CCDC187: variants seen among roughly 807,000 people sequenced by gnomAD.
CCDC187 encodes coiled-coil domain containing 187.
CCDC187 carries 32 observed loss-of-function variants against 38.0 expected under a neutral mutation model. The ratio of observed to expected loss-of-function variants is 0.84; its 90% CI spans 0.64 to 1.13. The LOEUF is 1.13. Ranked by LOEUF, CCDC187 falls within the 50% of genes most tolerant of loss-of-function variation. The pLI is 0.00. For synonymous variants in CCDC187, 333 were observed against 347.9 expected (o/e 0.96, Z 0.48); for missense variants, 707 against 786.8 (o/e 0.90, Z 1.21).
At chr9:136,261,285 C>T (rs1330316388) in intron 19 of CCDC187, among the ~76,000 whole-genome samples, 2 of 152,182 alleles carry the variant, frequency 1.3e-5, no homozygotes, top group East Asian at 3.9e-4. Context: ...AGCAAAACAC[C>T]GCAGGCGAGC....
At chr9:136,278,351 A>G (rs1404143322) in intron 10 of CCDC187, among the ~76,000 whole-genome samples, 1 of 152,100 alleles carries the variant, frequency 6.6e-6, no homozygotes, top group Non-Finnish European at 1.5e-5. Flanking sequence ...CACCCAACAG[A>G]TCAGAGGACA....
Position 136,253,484 on chromosome 9 carries a change from G to T in CCDC187, c.*110C>A. The T allele has an allele frequency of 1.8e-6, 1 of 546,334 alleles. No individual in the cohort carries two copies. The highest frequency in any genetic ancestry group is 2.3e-6 in the Non-Finnish European group (1 of 428,424). 33.8% of individuals were successfully genotyped at this position (546,334 alleles called of 1,614,324 possible). A position where few individuals can be genotyped will look rare whatever the true frequency, so the allele number is the denominator to read the frequency against. ...CGACGAGTGCCCTGGCCAGCTGACA[G>T]GTTCAGGCCACTGGCTGCCTCCGGC... On this transcript the variant is annotated 3_prime_UTR_variant, in exon 26 of 26. Transcript: ENST00000638797.
Position 136,253,512 on chromosome 9 carries a change from C to T in CCDC187, c.*82G>A. 1 of 809,352 alleles carries T rather than the reference C, an allele frequency of 1.2e-6. No individual in the cohort carries two copies. The highest frequency in any genetic ancestry group is 5.7e-5 in the South Asian group (1 of 17,682). 50.1% of individuals were successfully genotyped at this position (809,352 alleles called of 1,614,324 possible). The stretch of plus-strand genomic sequence containing the variant: ...TCAGGCCACTGGCTGCCTCCGGCCT[C>T]ATCCCCTGCTGCAGAACTGCATCTA... On this transcript the variant is annotated 3_prime_UTR_variant, in exon 26 of 26. Coordinates refer to ENST00000638797, the MANE Select transcript of CCDC187 (RefSeq NM_001378188.1).
intron 2 of CCDC187, 76 bp downstream of exon 2, chr9:136,302,736 C>T: frequency 7.5e-6 from 3 of 398,888 alleles, no homozygotes; most frequent in Non-Finnish European, 1.3e-5. Flanking sequence ...TCCAGCACAG[C>T]CCGATCCTGC....
At chr9:136,280,273 G>A (rs1377092843) in intron 10 of CCDC187, among the ~76,000 whole-genome samples, 4 of 152,252 alleles carry the variant, frequency 2.6e-5, no homozygotes, top group Non-Finnish European at 5.9e-5. Context: ...CACAGGCACT[G>A]TAAGGGCCGG....
In CCDC187 at chr9:136,290,486, C is replaced by G. The variant is rs1185264465; in HGVS notation, c.2127G>C (p.Gly709=). ...CCCCCAACCCAACCCCAGCATGTAC[C>G]CCGGACTGTGCAGAACTGGGGACAA... ...VTFVPSSAQS[G]GLEASGSLES... Residue 709 remains glycine, a splice_region_variant and synonymous_variant, in exon 6 of 26, where the codon GGG becomes GGC. Transcript: ENST00000638797. The G allele has an allele frequency of 2.5e-6, 1 of 398,646 alleles. No homozygotes were observed. The highest frequency in any genetic ancestry group is 4.4e-6 in the Non-Finnish European group (1 of 226,200). 24.7% of individuals were successfully genotyped at this position (398,646 alleles called of 1,614,324 possible). A position where few individuals can be genotyped will look rare whatever the true frequency, so the allele number is the denominator to read the frequency against.
chr9:136,267,874 G>C (rs1175463692), intron 15 of CCDC187, 175 bp downstream of exon 15: 5 of 985,352 alleles, frequency 5.1e-6, no homozygotes, highest in Non-Finnish European at 6.0e-6. Context: ...CGGGAGGAAC[G>C]GGCTTGGGTA....
At chr9:136,284,316 C>T (rs1247362681) in intron 9 of CCDC187, among the ~76,000 whole-genome samples, 1 of 152,144 alleles carries the variant, frequency 6.6e-6, no homozygotes, top group African/African-American at 2.4e-5. Context: ...GGTGGCATGA[C>T]CCAGGCCCTG....
rs1167721355 is a variant in CCDC187, at chr9:136,258,119, C to G, written c.4366+813G>C. Among the ~76,000 whole-genome samples, 1 of 152,150 alleles carries G rather than the reference C, an allele frequency of 6.6e-6. No homozygotes were observed. The highest frequency in any genetic ancestry group is 1.5e-5 in the Non-Finnish European group (1 of 68,022). On this transcript the variant is annotated intron_variant, in intron 22 of 25. Transcript: ENST00000638797. The surrounding 1 kb of genome is among the most constrained non-coding windows in gnomAD (Gnocchi z 4.3). ...CCGCAGAAGCCTGAACAGCGCAGGCCCGGAGGTGACGCGGGACACAGAGGG... is the reference window on the plus strand; with the variant it reads ...CCGCAGAAGCCTGAACAGCGCAGGCGCGGAGGTGACGCGGGACACAGAGGG...
intron 9 of CCDC187, 26 bp downstream of exon 9, chr9:136,285,487 G>A (rs1282873411): frequency 5.1e-6 from 2 of 395,448 alleles, no homozygotes; most frequent in African/African-American, 4.5e-5. Context: ...AGGTGGGCAG[G>A]TGGGCAGGTG....
At chr9:136,300,138 G>A in intron 3 of CCDC187, 82 bp downstream of exon 3, 1 of 397,262 alleles carries the variant, frequency 2.5e-6, no homozygotes, top group Non-Finnish European at 4.4e-6. Flanking sequence ...TTGTCTGTGA[G>A]GGTGGCCCAG....
rs1450801527 is a variant in CCDC187 at position 136,260,229 on chromosome 9, T to C, written c.4100A>G (p.Gln1367Arg). The C allele has an allele frequency of 1.0e-6, 1 of 985,350 alleles. No homozygotes were observed. Among genetic ancestry groups the C allele is most frequent in the East Asian group, 1.1e-4 (1 of 8,790 alleles). 61.0% of individuals were successfully genotyped at this position (985,350 alleles called of 1,614,324 possible). ...PTEQQDVTPP[Q>R]TTSDADGHQQ... ...GTGACCATCTGCATCGGAGGTTGTC[T>C]GGGGTGGCGTCACATCCTGCTGCTC... Residue 1367 changes from glutamine (Q) to arginine (R), a missense_variant, in exon 20 of 26, where the codon CAG becomes CGG. Coordinates refer to ENST00000638797, the MANE Select transcript of CCDC187 (RefSeq NM_001378188.1).
In CCDC187 at chr9:136,264,308, T is replaced by C. The variant is rs2131152687; in HGVS notation, c.3736-510A>G. On this transcript the variant is annotated intron_variant, in intron 17 of 25. Transcript: ENST00000638797. This position sits in a 1 kb window ranked among gnomAD's most constrained non-coding sequence, Gnocchi z 4.3. ...GCGGGTGTCTGGTCCATGGCCCCAC[T>C]GGGGAGTCCCAGACCCCACCTCCAC... 1 of 152,420 alleles carries C rather than the reference T, an allele frequency of 6.6e-6. No homozygotes were observed. The highest frequency in any genetic ancestry group is 6.5e-5 in the Admixed American group (1 of 15,308). 9.4% of individuals were successfully genotyped at this position (152,420 alleles called of 1,614,324 possible).
chr9:136,287,093 A>C (rs1404593781), intron 7 of CCDC187, among the ~76,000 whole-genome samples: 1 of 152,216 alleles, frequency 6.6e-6, no homozygotes, highest in African/African-American at 2.4e-5. Context: ...CACAACAGCC[A>C]AAAGGTGGAA....
At chr9:136,262,184 G>T in intron 19 of CCDC187, 127 bp downstream of exon 19, 1 of 854,000 alleles carries the variant, frequency 1.2e-6, no homozygotes, top group Non-Finnish European at 1.4e-6. Flanking sequence ...GGATGCCCAG[G>T]GCTACACGTG....
chr9:136,264,420 C>T lies in CCDC187; in HGVS notation c.3736-622G>A, dbSNP rs1281295681. On this transcript the variant is annotated intron_variant, in intron 17 of 25. Coordinates refer to ENST00000638797, the MANE Select transcript of CCDC187 (RefSeq NM_001378188.1). This position sits in a 1 kb window ranked among gnomAD's most constrained non-coding sequence, Gnocchi z 4.3. ...GCTCCAGCTCCTCCCGCCTGGGATC[C>T]CTGGGCAGCGCCTGTTCTGCCAGGC... 6.6e-6 allele frequency among the ~76,000 whole-genome samples: 1 copy of T among 152,216 alleles called. No individual in the cohort carries two copies. The highest frequency in any genetic ancestry group is 6.5e-5 in the Admixed American group (1 of 15,294).
intron 9 of CCDC187, among the ~76,000 whole-genome samples, chr9:136,283,942 TG>T (rs1449321046): frequency 6.6e-6 from 1 of 152,154 alleles, no homozygotes; most frequent in Non-Finnish European, 1.5e-5. Context: ...TGGGCCGGAC[TG>T]GGCCTGGGCA....
chr9:136,292,894 C>T (rs2131315549), intron 4 of CCDC187, among the ~76,000 whole-genome samples: 1 of 152,348 alleles, frequency 6.6e-6, no homozygotes, highest in African/African-American at 2.4e-5. Context: ...CAGCAAACGG[C>T]CCCACGTCCC....
In CCDC187 at chr9:136,279,239, T is replaced by C. The variant is rs910694125; in HGVS notation, c.3040+2312A>G. ...AGTCTAGAAGGTTCCATTGGACAGC[T>C]CTGGTCTGGGTGTTTAAGTCTGGGT... is the stretch of plus-strand genomic sequence containing the variant. On this transcript the variant is annotated intron_variant, in intron 10 of 25. Transcript: ENST00000638797. Among the ~76,000 whole-genome samples, 117 of 152,260 alleles carry C rather than the reference T, an allele frequency of 7.7e-4. 1 individual carries two copies. Among genetic ancestry groups the C allele is most frequent in the Non-Finnish European group, 1.4e-3 (94 of 68,008 alleles).
Sources: allele counts gnomAD v4.1 joint callset (sites outside exome capture counted in the v4.1 genomes callset), GRCh38; gene constraint gnomAD v4.1.1; non-coding constraint Gnocchi (gnomAD v3.1); transcripts MANE v1.5; gene names NCBI Gene and HGNC (gene_info 2026-07-23, HGNC 2026-07-21).